Variants in FOCAD observed in about 807,000 individuals in gnomAD.
FOCAD encodes the protein focadhesin.
In FOCAD, 198 loss-of-function variants were observed where a neutral mutation model predicts 225.6. The ratio of observed to expected loss-of-function variants is 0.88; its 90% CI spans 0.78 to 0.99. FOCAD has a LOEUF of 0.99. Among genes scored for constraint, FOCAD ranks in the 50% least tolerant of loss-of-function variants. FOCAD has a pLI of 0.00. For missense variants in FOCAD, 2,713 were observed against 2,123.6 expected (o/e 1.28, Z -5.46); for synonymous variants, 897 against 755.0 (o/e 1.19, Z -3.08).
At position 20,717,057 on chromosome 9, in the gene FOCAD, T is replaced by G. The variant is rs1268548607; in HGVS notation, c.58-737T>G. Among the ~76,000 whole-genome samples the G allele has an allele frequency of 5.9e-5, 9 of 152,340 alleles. No homozygotes were observed. In the East Asian group the frequency reaches 1.7e-3, roughly 29 times the overall value. On this transcript the variant is annotated intron_variant, in intron 2 of 43. Coordinates refer to ENST00000338382, the MANE Select transcript of FOCAD (RefSeq NM_001375567.1). ...GGTGCTCAGTTCTTATTACTATTCC[T>G]TTTACTAGGAGATAAGAGACAGTAA...
intron 35 of FOCAD, chr9:20,957,709 G>T (rs1287699457): frequency 3.8e-5 from 3 of 77,946 alleles, no homozygotes; most frequent in East Asian, 4.7e-4. Context: ...TTTTTAGTGG[G>T]GTTTTTCTAT....
Position 20,978,412 on chromosome 9 carries a change from A to G in FOCAD, c.4335A>G (p.Leu1445=), listed in dbSNP as rs772031441. Residue 1445 remains leucine (L), a synonymous_variant, in exon 37 of 44, where the codon CTA becomes CTG. Transcript: ENST00000338382. ...QAQSSQNAAA[L]LGLWVTPPLI... The stretch of plus-strand genomic sequence containing the variant: ...AGTCATCCCAGAATGCAGCTGCACT[A>G]TTGGGCTTGTGGGTGACACCACCAC... The G allele has an allele frequency of 4.3e-5, 70 of 1,612,060 alleles. No individual in the cohort carries two copies. The highest frequency in any genetic ancestry group is 5.6e-5 in the Non-Finnish European group (66 of 1,179,020).
intron 19 of FOCAD, among the ~76,000 whole-genome samples, chr9:20,881,459 C>G (rs979577333): frequency 2.0e-5 from 3 of 152,096 alleles, no homozygotes; most frequent in Non-Finnish European, 4.4e-5. Context: ...ATTCTGGCCT[C>G]TGGGCAGAGG....
chr9:20,724,127 A>T (rs1197508071), intron 4 of FOCAD, among the ~76,000 whole-genome samples: 1 of 152,242 alleles, frequency 6.6e-6, no homozygotes, highest in African/African-American at 2.4e-5. Flanking sequence ...ACCAGGCCTC[A>T]TCTCCAACAT....
At chr9:20,682,909 G>T (rs1326526784), upstream of FOCAD, among the ~76,000 whole-genome samples, 1 of 152,098 alleles carries the variant, frequency 6.6e-6, no homozygotes, top group Non-Finnish European at 1.5e-5. Context: ...TAGAGTAGCC[G>T]TGACTGCAGG....
At chr9:20,949,943 G>A (rs3739936) in intron 33 of FOCAD, among the ~76,000 whole-genome samples, 98,262 of 151,798 alleles carry the variant, frequency 0.65, 32,137 homozygotes, top group South Asian at 0.7. Flanking sequence ...CTGATTCTGC[G>A]AGGAATGTCA....
chr9:20,741,362 A>G (rs917551369), intron 5 of FOCAD, among the ~76,000 whole-genome samples: 4 of 152,186 alleles, frequency 2.6e-5, no homozygotes, highest in African/African-American at 9.7e-5. Flanking sequence ...CATATACTGT[A>G]AATGGGATGG....
chr9:20,655,767 T>C (rs1322031439), upstream of FOCAD, among the ~76,000 whole-genome samples: 1 of 152,214 alleles, frequency 6.6e-6, no homozygotes. Context: ...TTTTTGTGTC[T>C]CTATTTCCTT....
intron 32 of FOCAD, 37 bp from the exon 33 acceptor site, chr9:20,949,567 G>C: frequency 6.5e-7 from 1 of 1,546,594 alleles, no homozygotes; most frequent in East Asian, 2.2e-5. Context: ...TTTTTTATGG[G>C]GGTGGGTGGG....
At chr9:20,820,277 G>T in intron 12 of FOCAD, 47 bp from the exon 13 acceptor site, 1 of 1,402,800 alleles carries the variant, frequency 7.1e-7, no homozygotes, top group Non-Finnish European at 9.9e-7. Flanking sequence ...CCTCGAGGTT[G>T]TCTGCATTCA....
intron 15 of FOCAD, among the ~76,000 whole-genome samples, chr9:20,859,413 A>G (rs952664637): frequency 8.0e-5 from 12 of 150,832 alleles, no homozygotes; most frequent in Non-Finnish European, 1.5e-4. Context: ...AGAAAATATT[A>G]TTCTCAATTG....
chr9:20,863,626 G>C (rs184901052), intron 16 of FOCAD: 2 of 151,542 alleles, frequency 1.3e-5, no homozygotes, highest in Admixed American at 1.3e-4. Flanking sequence ...CTTTTTTTAG[G>C]GTCTTAAAAA....
intron 29 of FOCAD, among the ~76,000 whole-genome samples, chr9:20,945,373 G>T (rs6475491): frequency 6.6e-6 from 1 of 151,978 alleles, no homozygotes; most frequent in African/African-American, 2.4e-5. Context: ...TGGACCGCTT[G>T]TACTCTTCTT....
chr9:20,819,126 T>C (rs1051987743), intron 11 of FOCAD, among the ~76,000 whole-genome samples: 2 of 152,174 alleles, frequency 1.3e-5, no homozygotes, highest in East Asian at 3.9e-4. Flanking sequence ...AGTAACCTAA[T>C]TGAATGTTTC....
intron 21 of FOCAD, among the ~76,000 whole-genome samples, chr9:20,888,122 CTTTTTT>C (rs796233520): frequency 4.8e-5 from 4 of 82,478 alleles, no homozygotes; most frequent in Admixed American, 1.2e-4. Flanking sequence ...TTTTCATTTT[CTTTTTT>C]TTTTTTTCTT....
chr9:20,778,690 G>T lies in FOCAD; in HGVS notation c.916G>T (p.Val306Phe), dbSNP rs958739496. The change falls in exon 9 of 44, where the codon GTT becomes TTT. Residue 306 changes from valine (V) to phenylalanine (F), a missense_variant. Coordinates refer to ENST00000338382, the MANE Select transcript of FOCAD (RefSeq NM_001375567.1). Reference sequence around the variant, plus strand: ...CCCTCTATTCTTTTAGGATTTTCCTGTTGAACTGGTCATAATTGGAATAGC... The same window carrying T: ...CCCTCTATTCTTTTAGGATTTTCCTTTTGAACTGGTCATAATTGGAATAGC... The part of the protein sequence containing the change: ...SVELLKEDFP[V>F]ELVIIGIALL... 11 of 1,607,534 alleles carry T rather than the reference G, an allele frequency of 6.8e-6. No homozygotes were observed. The highest frequency in any genetic ancestry group is 6.8e-6 in the Non-Finnish European group (8 of 1,174,732).
intron 21 of FOCAD, among the ~76,000 whole-genome samples, chr9:20,897,368 T>C (rs1267524865): frequency 6.6e-6 from 1 of 151,792 alleles, no homozygotes; most frequent in African/African-American, 2.4e-5. Flanking sequence ...GCTTCCAAAA[T>C]GATTATTGAT....
At chr9:20,957,041 A>T (rs1440552941) in intron 35 of FOCAD, among the ~76,000 whole-genome samples, 5 of 152,286 alleles carry the variant, frequency 3.3e-5, no homozygotes, top group African/African-American at 7.2e-5. Context: ...CTGTTTTCAT[A>T]TATCACCATA....
intron 7 of FOCAD, among the ~76,000 whole-genome samples, chr9:20,768,974 T>G (rs1817892607): frequency 6.6e-6 from 1 of 152,186 alleles, no homozygotes; most frequent in African/African-American, 2.4e-5. Context: ...GAACCTTTTT[T>G]TGTTATGGAA....
Sources: allele counts gnomAD v4.1 joint callset (sites outside exome capture counted in the v4.1 genomes callset), GRCh38; gene constraint gnomAD v4.1.1; transcripts MANE v1.5; gene names NCBI Gene and HGNC (gene_info 2026-07-23, HGNC 2026-07-21).